Variants in MACROD2 observed in about 807,000 individuals in gnomAD.
MACROD2 encodes the protein mono-ADP ribosylhydrolase 2.
MACROD2 carries 36 observed loss-of-function variants against 70.4 expected under a neutral mutation model. The observed-to-expected ratio is 0.51, with a 90% CI of 0.39 to 0.68. The LOEUF (loss-of-function observed/expected upper bound fraction) is 0.68, where lower values mean the gene tolerates loss of function less well. Ranked by LOEUF, MACROD2 falls within the 30% of genes least tolerant of loss-of-function variation. The probability of loss-of-function intolerance (pLI) is 0.00; values close to 1 mark genes in which losing one functional copy is unlikely to be tolerated. For missense variants in MACROD2, 496 were observed against 538.4 expected (o/e 0.92, Z 0.78); for synonymous variants, 172 against 178.8 (o/e 0.96, Z 0.30).
chr20:14,015,269 A>C (rs2052971954), intron 2 of MACROD2, among the ~76,000 whole-genome samples: 1 of 152,308 alleles, frequency 6.6e-6, no homozygotes, highest in South Asian at 2.1e-4. Flanking sequence ...CCATTTTCAC[A>C]ATTTTTTCAT....
intron 8 of MACROD2, among the ~76,000 whole-genome samples, chr20:15,651,808 T>G (rs187756239): frequency 6.6e-6 from 1 of 152,160 alleles, no homozygotes; most frequent in African/African-American, 2.4e-5. Flanking sequence ...ATAAATTTCC[T>G]TTTCTGTTGA....
At chr20:14,770,574 A>G (rs532471596) in intron 5 of MACROD2, among the ~76,000 whole-genome samples, 9 of 152,190 alleles carry the variant, frequency 5.9e-5, no homozygotes, top group Admixed American at 2.0e-4. Context: ...GAACCAATAT[A>G]GGTGATATTC....
chr20:16,003,348 C>CTG lies in MACROD2; in HGVS notation c.1153+16209_1153+16210dup, dbSNP rs11472125. Among the ~76,000 whole-genome samples, 572 of 150,252 alleles carry CTG rather than the reference C, an allele frequency of 3.8e-3. 2 individuals carry two copies. The highest frequency in any genetic ancestry group is 6.9e-3 in the African/African-American group (283 of 41,008). ...TTAGGACTTTATGAAAGTTTGAACC[C>CTG]TGTGTGTGTGTGTGTGTGTGCATCT... On this transcript the variant is annotated intron_variant, in intron 15 of 17. Coordinates refer to ENST00000684519, the MANE Select transcript of MACROD2 (RefSeq NM_001351661.2).
intron 15 of MACROD2, 84 bp downstream of exon 15, chr20:15,987,242 C>A: frequency 9.1e-7 from 1 of 1,096,978 alleles, no homozygotes; most frequent in Non-Finnish European, 1.3e-6. Flanking sequence ...AAGTTATTCT[C>A]ATGCAATTAC....
At chr20:15,658,240 T>C (rs1358318597) in intron 8 of MACROD2, among the ~76,000 whole-genome samples, 3 of 144,642 alleles carry the variant, frequency 2.1e-5, no homozygotes, top group Non-Finnish European at 4.5e-5. Context: ...TTTTTTTTTT[T>C]AACTTGAATA....
intron 3 of MACROD2, among the ~76,000 whole-genome samples, chr20:14,375,757 A>G (rs2083365361): frequency 6.6e-6 from 1 of 152,232 alleles, no homozygotes; most frequent in African/African-American, 2.4e-5. Flanking sequence ...ACTGCCTTGT[A>G]GATATCGTGG....
At chr20:14,546,508 C>G (rs1223569049) in intron 4 of MACROD2, among the ~76,000 whole-genome samples, 1 of 152,154 alleles carries the variant, frequency 6.6e-6, no homozygotes, top group Non-Finnish European at 1.5e-5. Context: ...TGTTAGGGAA[C>G]ATGTTTTAGG....
In MACROD2 at chr20:14,116,586, T is replaced by C. The variant is rs1601241264; in HGVS notation, c.271+30858T>C. Among the ~76,000 whole-genome samples, 3 of 152,306 alleles carry C rather than the reference T, an allele frequency of 2.0e-5. No individual in the cohort carries two copies. The South Asian group carries it at 6.2e-4, about 32-fold the overall frequency. On this transcript the variant is annotated intron_variant, in intron 3 of 17. Coordinates refer to ENST00000684519, the MANE Select transcript of MACROD2 (RefSeq NM_001351661.2). ...AATTTCTTTGGAAGCACAGATGATA[T>C]TATAAACATAATAATGTAAATAAAG...
intron 3 of MACROD2, among the ~76,000 whole-genome samples, chr20:14,471,599 A>G (rs1168446094): frequency 6.6e-6 from 1 of 152,216 alleles, no homozygotes; most frequent in Non-Finnish European, 1.5e-5. Context: ...ATGGTGCAAC[A>G]TTCTAAGCAA....
At chr20:14,086,483 C>G (rs1313949378) in intron 3 of MACROD2, among the ~76,000 whole-genome samples, 2 of 152,140 alleles carry the variant, frequency 1.3e-5, no homozygotes, top group African/African-American at 4.8e-5. Context: ...TAAGGAGAGG[C>G]TTTATCTAAA....
At chr20:14,550,124 T>C (rs1978556355) in intron 4 of MACROD2, among the ~76,000 whole-genome samples, 1 of 152,070 alleles carries the variant, frequency 6.6e-6, no homozygotes, top group African/African-American at 2.4e-5. Context: ...GGTTTCACCA[T>C]GTTGGCCAGT....
chr20:14,811,835 C>T (rs11754804), intron 5 of MACROD2, among the ~76,000 whole-genome samples: 1 of 152,118 alleles, frequency 6.6e-6, no homozygotes, highest in African/African-American at 2.4e-5. Flanking sequence ...AAAAGCTCAT[C>T]ATCACTGGTC....
intron 5 of MACROD2, among the ~76,000 whole-genome samples, chr20:15,151,869 A>G (rs530031660): frequency 1.3e-5 from 2 of 151,916 alleles, no homozygotes; most frequent in South Asian, 2.1e-4. Context: ...GGAGGAGTGG[A>G]GGCTAAGGAA....
intron 2 of MACROD2, among the ~76,000 whole-genome samples, chr20:14,071,684 T>C (rs971513853): frequency 6.6e-6 from 1 of 152,244 alleles, no homozygotes; most frequent in Admixed American, 6.5e-5. Context: ...TTACATGATA[T>C]CTCTACCTCA....
intron 5 of MACROD2, among the ~76,000 whole-genome samples, chr20:15,128,103 G>A (rs1568588648): frequency 2.0e-5 from 3 of 152,008 alleles, no homozygotes; most frequent in African/African-American, 7.2e-5. Flanking sequence ...CTGAAGTTGG[G>A]TGTCCAACAA....
intron 6 of MACROD2, among the ~76,000 whole-genome samples, chr20:15,410,550 C>T (rs1224563579): frequency 6.6e-6 from 1 of 152,144 alleles, no homozygotes; most frequent in Non-Finnish European, 1.5e-5. Flanking sequence ...TTGTTAGCCT[C>T]TGGTAGTGGC....
intron 8 of MACROD2, among the ~76,000 whole-genome samples, chr20:15,591,044 AC>A (rs2048672792): frequency 6.6e-6 from 1 of 152,200 alleles, no homozygotes; most frequent in Admixed American, 6.5e-5. Flanking sequence ...AAGATTTGTA[AC>A]TATTTTCTTT....
intron 6 of MACROD2, among the ~76,000 whole-genome samples, chr20:15,265,500 T>G (rs1427245119): frequency 6.6e-6 from 1 of 152,226 alleles, no homozygotes; most frequent in African/African-American, 2.4e-5. Context: ...TTCAATATAT[T>G]AAGAGCAGGG....
At chr20:14,726,901 A>G (rs1284385310) in intron 5 of MACROD2, among the ~76,000 whole-genome samples, 1 of 152,196 alleles carries the variant, frequency 6.6e-6, no homozygotes, top group Non-Finnish European at 1.5e-5. Flanking sequence ...TACTTTTTCC[A>G]TAAATCCACT....
Sources: allele counts gnomAD v4.1 joint callset (sites outside exome capture counted in the v4.1 genomes callset), GRCh38; gene constraint gnomAD v4.1.1; transcripts MANE v1.5; gene names NCBI Gene and HGNC (gene_info 2026-07-23, HGNC 2026-07-21).